Variants in GANAB observed in about 807,000 individuals in gnomAD.
GANAB encodes the protein neutral alpha-glucosidase AB.
Under a neutral mutation model 129.9 loss-of-function variants are expected in GANAB, and 35 were observed. That is an observed-to-expected ratio of 0.27 (90% confidence interval 0.21 to 0.36). GANAB has a LOEUF of 0.36. GANAB is among the 10% of genes least tolerant of loss of function. GANAB has a pLI of 1.00. For missense variants in GANAB, 939 were observed against 1,221.0 expected (o/e 0.77, Z 3.44); for synonymous variants, 482 against 451.8 (o/e 1.07, Z -0.85).
In GANAB at chr11:62,628,856, C is replaced by T. The variant is rs765000469; in HGVS notation, c.2093G>A (p.Arg698Gln). ...AGAATATCGCTGGCCCAAGGCATCT[C>T]GGATTATATCATTGTGCTGAGATGG... The part of the protein sequence containing the change: ...LLPSQHNDII[R>Q]DALGQRYSLL... Residue 698 changes from arginine to glutamine, a missense_variant, in exon 17 of 24, where the codon CGA becomes CAA. Coordinates refer to ENST00000356638, the MANE Select transcript of GANAB (RefSeq NM_198334.3). The T allele has an allele frequency of 1.7e-4, 269 of 1,614,018 alleles. No homozygotes were observed. The highest frequency in any genetic ancestry group is 2.0e-4 in the Non-Finnish European group (232 of 1,180,034).
chr11:62,640,832 C>CCA (rs1944219155), intron 1 of GANAB, among the ~76,000 whole-genome samples: 1 of 74,768 alleles, frequency 1.3e-5, no homozygotes, highest in Admixed American at 1.9e-4. Flanking sequence ...AACTCCCTCT[C>CCA]AAAAAAAAAA....
In GANAB at chr11:62,629,258, G is replaced by A. The variant is rs991781984; in HGVS notation, c.1872C>T (p.Asp624=). 2 of 1,613,430 alleles carry A rather than the reference G, an allele frequency of 1.2e-6. No individual in the cohort carries two copies. The highest frequency in any genetic ancestry group is 1.6e-4 in the Middle Eastern group (1 of 6,062). Residue 624 remains aspartate (D), a synonymous_variant, in exon 16 of 24, where the codon GAC becomes GAT. Transcript: ENST00000356638. ...ACATAGGAATAGAGATCTTCAAATG[G>A]TCCCACTCGGCAGTGTTGTCCCCTG... ...VWTGDNTAEW[D]HLKISIPMCL... is the part of the protein sequence containing the mutation.
intron 1 of GANAB, among the ~76,000 whole-genome samples, chr11:62,641,058 G>T (rs1008258477): frequency 6.6e-6 from 1 of 151,902 alleles, no homozygotes; most frequent in Non-Finnish European, 1.5e-5. Flanking sequence ...AAACATGAAG[G>T]CCGGGCGCAG....
intron 1 of GANAB, among the ~76,000 whole-genome samples, chr11:62,640,363 C>G (rs1944184390): frequency 1.4e-5 from 2 of 146,694 alleles, no homozygotes; most frequent in East Asian, 4.1e-4. Flanking sequence ...GAAACCCCGT[C>G]TCTACTAAAA....
intron 4 of GANAB, among the ~76,000 whole-genome samples, chr11:62,636,800 G>A (rs1943962487): frequency 6.6e-6 from 1 of 152,238 alleles, no homozygotes; most frequent in Middle Eastern, 3.4e-3. Context: ...GTGCACGCCT[G>A]TAGTCCCAGC....
chr11:62,643,492 A>C (rs956647947), intron 1 of GANAB, among the ~76,000 whole-genome samples: 1 of 152,090 alleles, frequency 6.6e-6, no homozygotes. Flanking sequence ...ACAAAAAAAA[A>C]ATTAACAGGG....
chr11:62,629,549 TCA>T, intron 15 of GANAB, 37 bp downstream of exon 15: 1 of 1,390,292 alleles, frequency 7.2e-7, no homozygotes, highest in Non-Finnish European at 1.0e-6. Context: ...GATCTGGCCT[TCA>T]CACCCTTCTG....
intron 1 of GANAB, among the ~76,000 whole-genome samples, chr11:62,640,505 C>G (rs1381363962): frequency 4.5e-5 from 6 of 133,352 alleles, no homozygotes; most frequent in Non-Finnish European, 9.4e-5. Context: ...TGCACTCCAG[C>G]CTGGGTGACA....
At chr11:62,640,228 C>CAAGAAAAAAAAAAAAAAAA (rs1944172688) in intron 1 of GANAB, among the ~76,000 whole-genome samples, 1 of 28,022 alleles carries the variant, frequency 3.6e-5, no homozygotes, top group Non-Finnish European at 5.3e-5. Context: ...CAGAGCTAGA[C>CAAGAAAAAAAAAAAAAAAA]AAAAAAAAAA....
At chr11:62,629,722 A>T (rs1487270112) in intron 14 of GANAB, 38 bp from the exon 15 acceptor site, 1 of 1,604,722 alleles carries the variant, frequency 6.2e-7, no homozygotes, top group African/African-American at 1.3e-5. Context: ...TGAGGAGCAA[A>T]AGCCAGCTGT....
Position 62,638,969 on chromosome 11 carries a change from C to A in GANAB, c.380+14G>T, listed in dbSNP as rs1357198512. ...AGGGGCCACAGAAATGGATGTTTCT[C>A]AGGAAAAATTTACCGGGCTATTGGT... On this transcript the variant is annotated intron_variant, in intron 4 of 23. Transcript: ENST00000356638. The A allele has an allele frequency of 6.2e-7, 1 of 1,611,690 alleles. No individual in the cohort carries two copies.
intron 1 of GANAB, among the ~76,000 whole-genome samples, chr11:62,643,104 G>T (rs148089321): frequency 6.8e-4 from 104 of 152,300 alleles, no homozygotes; most frequent in African/African-American, 2.4e-3. Context: ...TGACAGATAA[G>T]AGACTAATAG....
At chr11:62,634,726 G>T in intron 5 of GANAB, 95 bp downstream of exon 5, 2 of 1,022,782 alleles carry the variant, frequency 2.0e-6, no homozygotes, top group Non-Finnish European at 2.9e-6. Flanking sequence ...GCCCTACCTG[G>T]CTGTCCCACC....
intron 13 of GANAB, 109 bp downstream of exon 13, chr11:62,630,088 C>T: frequency 1.6e-6 from 2 of 1,289,664 alleles, no homozygotes; most frequent in Non-Finnish European, 2.2e-6. Flanking sequence ...CATCAAGGCC[C>T]CCTGATATGT....
intron 5 of GANAB, 68 bp downstream of exon 5, chr11:62,634,753 G>T: frequency 1.5e-6 from 2 of 1,300,780 alleles, no homozygotes; most frequent in Non-Finnish European, 1.1e-6. Flanking sequence ...TCCTCCCCGT[G>T]CCAGACCTCA....
At chr11:62,629,448 G>C (rs1302040259) in intron 15 of GANAB, 140 bp downstream of exon 15, 1 of 790,768 alleles carries the variant, frequency 1.3e-6, no homozygotes, top group African/African-American at 1.7e-5. Flanking sequence ...CCCACACCCT[G>C]ACTTCCTTCA....
chr11:62,642,119 G>A (rs192810635), intron 1 of GANAB, among the ~76,000 whole-genome samples: 240 of 152,168 alleles, frequency 1.6e-3, no homozygotes, highest in African/African-American at 5.3e-3. Flanking sequence ...GGCTGAGGCA[G>A]GAGAACTGCT....
intron 12 of GANAB, 49 bp from the exon 13 acceptor site, chr11:62,630,325 C>A (rs761207694): frequency 6.2e-7 from 1 of 1,613,362 alleles, no homozygotes; most frequent in Non-Finnish European, 8.5e-7. Context: ...GCAAAAGAGC[C>A]ACCATTCTAC....
In GANAB at chr11:62,633,129, G is replaced by C. The variant is rs1175315228; in HGVS notation, c.719-28C>G. 5 of 1,600,386 alleles carry C rather than the reference G, an allele frequency of 3.1e-6. No individual in the cohort carries two copies. The Admixed American group carries it at 8.3e-5, about 27-fold the overall frequency. ...GGAAGAAAAACAAACAAGCTTCAGAGCTTCTGCTTGGAAAGGAGCCCTGCA... is the reference window on the plus strand; with the variant it reads ...GGAAGAAAAACAAACAAGCTTCAGACCTTCTGCTTGGAAAGGAGCCCTGCA... On this transcript the variant is annotated intron_variant, in intron 7 of 23. Coordinates refer to ENST00000356638, the MANE Select transcript of GANAB (RefSeq NM_198334.3).
Sources: allele counts gnomAD v4.1 joint callset (sites outside exome capture counted in the v4.1 genomes callset), GRCh38; gene constraint gnomAD v4.1.1; transcripts MANE v1.5; gene names NCBI Gene and HGNC (gene_info 2026-07-23, HGNC 2026-07-21).